The following ROBO2 variants were observed in gnomAD, a reference collection of about 807,000 sequenced individuals.
ROBO2 encodes the protein roundabout guidance receptor 2.
ROBO2 carries 53 observed loss-of-function variants against 160.8 expected under a neutral mutation model. The ratio of observed to expected loss-of-function variants is 0.33; its 90% CI spans 0.26 to 0.41. The LOEUF is 0.41. Among genes scored for constraint, ROBO2 ranks in the 10% least tolerant of loss-of-function variants. The pLI, the probability that ROBO2 is intolerant of heterozygous loss-of-function variation, is 1.00. For synonymous variants in ROBO2, 664 were observed against 611.7 expected (o/e 1.09, Z -1.26); for missense variants, 1,577 against 1,722.4 (o/e 0.92, Z 1.49).
At chr3:76,111,298 A>T (rs1395263821) in intron 2 of ROBO2, among the ~76,000 whole-genome samples, 1 of 152,078 alleles carries the variant, frequency 6.6e-6, no homozygotes, top group African/African-American at 2.4e-5. Context: ...CCAAGCATTG[A>T]TGGCTACCAG....
intron 2 of ROBO2, among the ~76,000 whole-genome samples, chr3:75,984,585 A>G (rs2065363109): frequency 6.6e-6 from 1 of 151,620 alleles, no homozygotes; most frequent in South Asian, 2.1e-4. Flanking sequence ...AATGAACACA[A>G]ATAGCCCAAT....
chr3:77,514,648 T>C (rs897929395), intron 5 of ROBO2, among the ~76,000 whole-genome samples: 1 of 151,880 alleles, frequency 6.6e-6, no homozygotes, highest in Non-Finnish European at 1.5e-5. Context: ...TGTAAAGCCC[T>C]GTTGTACACT....
intron 2 of ROBO2, among the ~76,000 whole-genome samples, chr3:76,610,236 C>A: frequency 6.6e-6 from 1 of 152,150 alleles, no homozygotes; most frequent in East Asian, 1.9e-4. Context: ...TACAGGATTC[C>A]TTTGGAGCCG....
intron 2 of ROBO2, among the ~76,000 whole-genome samples, chr3:76,186,353 T>A (rs1701762764): frequency 6.6e-6 from 1 of 152,072 alleles, no homozygotes; most frequent in Non-Finnish European, 1.5e-5. Flanking sequence ...CCTTCCCCCA[T>A]ACCCTCTCTC....
intron 2 of ROBO2, among the ~76,000 whole-genome samples, chr3:77,326,227 A>G (rs756593003): frequency 6.6e-6 from 1 of 152,194 alleles, no homozygotes; most frequent in African/African-American, 2.4e-5. Context: ...TTAACACAGT[A>G]TTTGAGAACA....
chr3:77,601,367 A>G (rs1390005261), intron 19 of ROBO2, among the ~76,000 whole-genome samples: 1 of 152,200 alleles, frequency 6.6e-6, no homozygotes, highest in Non-Finnish European at 1.5e-5. Flanking sequence ...TTCACTTAGT[A>G]TCTTTCTTCC....
At chr3:77,296,643 C>G (rs1414654733) in intron 2 of ROBO2, among the ~76,000 whole-genome samples, 1 of 152,100 alleles carries the variant, frequency 6.6e-6, no homozygotes, top group Non-Finnish European at 1.5e-5. Context: ...GATTGTGATG[C>G]ATAGCAATGT....
chr3:76,173,317 TAAA>T (rs2073112387), intron 2 of ROBO2, among the ~76,000 whole-genome samples: 1 of 151,978 alleles, frequency 6.6e-6, no homozygotes, highest in Non-Finnish European at 1.5e-5. Flanking sequence ...CTAACATACA[TAAA>T]ATACATGCTA....
At chr3:77,282,623 C>T (rs143606071) in intron 2 of ROBO2, among the ~76,000 whole-genome samples, 5 of 152,110 alleles carry the variant, frequency 3.3e-5, no homozygotes, top group Admixed American at 2.0e-4. Flanking sequence ...ACCATTCATA[C>T]TTGATAAAAT....
intron 2 of ROBO2, among the ~76,000 whole-genome samples, chr3:77,292,474 G>C (rs2061417554): frequency 6.6e-6 from 1 of 151,362 alleles, no homozygotes. Context: ...GCTTAAACGG[G>C]TAAACTGAGG....
intron 23 of ROBO2, among the ~76,000 whole-genome samples, chr3:77,625,094 A>G (rs1005373540): frequency 2.0e-5 from 3 of 152,180 alleles, no homozygotes; most frequent in Non-Finnish European, 2.9e-5. Flanking sequence ...AGTTGTTTTT[A>G]TAACAACTAA....
chr3:77,280,464 C>T (rs2060172154), intron 2 of ROBO2, among the ~76,000 whole-genome samples: 1 of 152,142 alleles, frequency 6.6e-6, no homozygotes, highest in Non-Finnish European at 1.5e-5. Flanking sequence ...CAACTGAGGA[C>T]AGAAGATTGG....
At chr3:76,459,293 A>C (rs183935469) in intron 2 of ROBO2, among the ~76,000 whole-genome samples, 20 of 152,312 alleles carry the variant, frequency 1.3e-4, no homozygotes, top group Admixed American at 1.2e-3. Context: ...ATATAGCGAG[A>C]GAGAGAGAGA....
chr3:77,117,123 C>T (rs1317791519), intron 2 of ROBO2, among the ~76,000 whole-genome samples: 1 of 152,178 alleles, frequency 6.6e-6, no homozygotes, highest in Non-Finnish European at 1.5e-5. Context: ...CTGACTTGCA[C>T]TGTAAATATG....
chr3:77,407,218 G>A (rs1189933588), intron 2 of ROBO2, among the ~76,000 whole-genome samples: 4 of 152,090 alleles, frequency 2.6e-5, no homozygotes, highest in African/African-American at 7.2e-5. Flanking sequence ...AATATATGGT[G>A]CAGGGACATC....
chr3:76,089,500 A>G (rs1244739094), intron 2 of ROBO2, among the ~76,000 whole-genome samples: 2 of 152,198 alleles, frequency 1.3e-5, no homozygotes, highest in Non-Finnish European at 2.9e-5. Context: ...AATTAGATTT[A>G]TCTAGGCACG....
chr3:76,767,799 T>C (rs958123612), intron 2 of ROBO2, among the ~76,000 whole-genome samples: 2 of 151,520 alleles, frequency 1.3e-5, no homozygotes, highest in Non-Finnish European at 3.0e-5. Flanking sequence ...TCAATATGTG[T>C]AAGGATCCAT....
intron 2 of ROBO2, among the ~76,000 whole-genome samples, chr3:76,248,385 G>A (rs545330494): frequency 2.7e-4 from 41 of 150,812 alleles, no homozygotes; most frequent in East Asian, 6.0e-4. Context: ...GTAAACTATC[G>A]CAAGAACAAA....
intron 2 of ROBO2, among the ~76,000 whole-genome samples, chr3:75,944,318 A>G (rs116704643): frequency 6.6e-6 from 1 of 152,176 alleles, no homozygotes; most frequent in Non-Finnish European, 1.5e-5. Flanking sequence ...GTGAGACTGG[A>G]TGGCACAGAT....
Sources: gnomAD v4.1 joint callset for allele counts (sites outside exome capture counted in the v4.1 genomes callset) on GRCh38, gnomAD v4.1.1 for gene constraint, MANE v1.5 for transcripts, NCBI Gene and HGNC (gene_info 2026-07-23, HGNC 2026-07-21) for gene names.